The following SLC35F4 variants were observed in gnomAD, a reference collection of about 807,000 sequenced individuals.
SLC35F4 encodes the protein solute carrier family 35 member F4.
In SLC35F4, 24 loss-of-function variants were observed where a neutral mutation model predicts 44.2. That is an observed-to-expected ratio of 0.54 (90% CI 0.39 to 0.76). SLC35F4 has a LOEUF of 0.76. SLC35F4 is among the 30% of genes least tolerant of loss of function. SLC35F4 has a pLI of 0.00. For synonymous variants in SLC35F4, 238 were observed against 223.6 expected (o/e 1.06, Z -0.57); for missense variants, 562 against 586.1 (o/e 0.96, Z 0.42).
intron 1 of SLC35F4, among the ~76,000 whole-genome samples, chr14:57,745,269 G>A (rs953159548): frequency 3.3e-5 from 5 of 152,124 alleles, no homozygotes; most frequent in Non-Finnish European, 7.4e-5. Context: ...TGCACAGCAA[G>A]AGAAACTACC....
chr14:57,735,708 C>G (rs2076446177), intron 1 of SLC35F4, among the ~76,000 whole-genome samples: 1 of 149,638 alleles, frequency 6.7e-6, no homozygotes, highest in Non-Finnish European at 1.5e-5. Context: ...AAAACTCCAA[C>G]ATAGCCACCC....
intron 3 of SLC35F4, among the ~76,000 whole-genome samples, chr14:57,585,612 T>G (rs1369222691): frequency 1.6e-4 from 25 of 152,054 alleles, no homozygotes; most frequent in Admixed American, 1.6e-3. Context: ...CAGCCTAAAA[T>G]CTCCTTAAGC....
chr14:57,579,203 C>G (rs1209862669), intron 4 of SLC35F4, among the ~76,000 whole-genome samples: 1 of 152,150 alleles, frequency 6.6e-6, no homozygotes, highest in Admixed American at 6.5e-5. Flanking sequence ...ATAATATCTG[C>G]AAGGACCCTT....
chr14:57,707,686 G>A (rs1381204778), intron 1 of SLC35F4, among the ~76,000 whole-genome samples: 2 of 152,204 alleles, frequency 1.3e-5, no homozygotes, highest in East Asian at 3.9e-4. Flanking sequence ...AAGAGACTTT[G>A]GAACTGGGTA....
chr14:57,646,345 G>A (rs1468025555), intron 1 of SLC35F4, among the ~76,000 whole-genome samples: 1 of 152,150 alleles, frequency 6.6e-6, no homozygotes, highest in Non-Finnish European at 1.5e-5. Flanking sequence ...TCCTGGTTTA[G>A]TCTTGGGAGG....
At chr14:57,670,777 G>A (rs2074489320) in intron 1 of SLC35F4, among the ~76,000 whole-genome samples, 1 of 151,744 alleles carries the variant, frequency 6.6e-6, no homozygotes, top group Non-Finnish European at 1.5e-5. Context: ...TTTCCTTGGT[G>A]AAGAACAAGC....
chr14:57,705,930 A>C (rs1317499524), intron 1 of SLC35F4, among the ~76,000 whole-genome samples: 2 of 152,194 alleles, frequency 1.3e-5, no homozygotes, highest in Non-Finnish European at 2.9e-5. Flanking sequence ...TTCAAACAGA[A>C]AGAACAATGT....
intron 1 of SLC35F4, chr14:57,597,009 C>G (rs1000882285): frequency 1.6e-6 from 1 of 613,658 alleles, no homozygotes; most frequent in East Asian, 6.7e-5. Flanking sequence ...ATCCTGGAAG[C>G]GAAAACATTG....
intron 1 of SLC35F4, among the ~76,000 whole-genome samples, chr14:57,922,102 G>A (rs1295556646): frequency 6.6e-6 from 1 of 152,166 alleles, no homozygotes; most frequent in Admixed American, 6.5e-5. Context: ...AATCACACAT[G>A]CCTGGTCAAT....
intron 1 of SLC35F4, among the ~76,000 whole-genome samples, chr14:57,734,835 C>G (rs2076425422): frequency 6.6e-6 from 1 of 152,198 alleles, no homozygotes; most frequent in Non-Finnish European, 1.5e-5. Context: ...AAGTTAGTGA[C>G]TTCCAGGTGA....
intron 1 of SLC35F4, among the ~76,000 whole-genome samples, chr14:57,656,374 T>TACAC (rs774070679): frequency 1.6e-5 from 2 of 125,676 alleles, no homozygotes; most frequent in African/African-American, 5.6e-5. Context: ...TATATATATA[T>TACAC]ATACACACAC....
At chr14:57,722,335 A>G (rs1450721275) in intron 1 of SLC35F4, among the ~76,000 whole-genome samples, 2 of 152,202 alleles carry the variant, frequency 1.3e-5, no homozygotes, top group Non-Finnish European at 2.9e-5. Flanking sequence ...GGTTTAATGT[A>G]CAGGAAAAGG....
intron 1 of SLC35F4, among the ~76,000 whole-genome samples, chr14:57,952,644 C>T (rs540460292): frequency 1.3e-5 from 2 of 151,618 alleles, no homozygotes; most frequent in African/African-American, 4.8e-5. Flanking sequence ...GAAGTACACA[C>T]AAATATCAAT....
At chr14:57,787,890 G>A (rs1336578964) in intron 1 of SLC35F4, among the ~76,000 whole-genome samples, 2 of 152,102 alleles carry the variant, frequency 1.3e-5, no homozygotes, top group Non-Finnish European at 2.9e-5. Flanking sequence ...ACGCAACAAA[G>A]AGCTGGATGA....
At chr14:57,642,850 A>G (rs2073313358) in intron 1 of SLC35F4, among the ~76,000 whole-genome samples, 1 of 151,994 alleles carries the variant, frequency 6.6e-6, no homozygotes, top group Non-Finnish European at 1.5e-5. Flanking sequence ...TAAATAAAAC[A>G]TTTAATTATT....
intron 1 of SLC35F4, among the ~76,000 whole-genome samples, chr14:57,831,327 T>TA (rs1187979427): frequency 6.6e-6 from 1 of 152,194 alleles, no homozygotes; most frequent in Non-Finnish European, 1.5e-5. Flanking sequence ...ACCTTGATCT[T>TA]AGACTTCCCA....
intron 1 of SLC35F4, among the ~76,000 whole-genome samples, chr14:57,748,038 G>A (rs1025687956): frequency 6.6e-6 from 1 of 152,186 alleles, no homozygotes. Context: ...ATGATGGAGT[G>A]CCTGCACATG....
intron 1 of SLC35F4, among the ~76,000 whole-genome samples, chr14:57,900,007 A>G (rs1051054031): frequency 2.0e-5 from 3 of 151,764 alleles, no homozygotes; most frequent in Admixed American, 1.3e-4. Context: ...CCCATGTTCC[A>G]TTTTTGTCCG....
intron 1 of SLC35F4, among the ~76,000 whole-genome samples, chr14:57,926,545 A>T (rs1181317541): frequency 6.6e-6 from 1 of 152,156 alleles, no homozygotes; most frequent in Non-Finnish European, 1.5e-5. Context: ...ACCTGATACT[A>T]GAAAGCAAGT....
Sources: allele counts gnomAD v4.1 joint callset (sites outside exome capture counted in the v4.1 genomes callset), GRCh38; gene constraint gnomAD v4.1.1; transcripts MANE v1.5; gene names NCBI Gene and HGNC (gene_info 2026-07-23, HGNC 2026-07-21).